Variants in CNTN5 observed in about 807,000 individuals in gnomAD.
CNTN5 encodes the protein contactin-5.
CNTN5 carries 77 observed loss-of-function variants against 129.1 expected under a neutral mutation model. The ratio of observed to expected loss-of-function variants is 0.60; its 90% CI spans 0.50 to 0.72. The LOEUF is 0.72. CNTN5 is among the 30% of genes least tolerant of loss of function. CNTN5 has a pLI of 0.00. For missense variants in CNTN5, 1,478 were observed against 1,328.8 expected, an observed-to-expected ratio of 1.11 and a Z score of -1.75; for synonymous variants, 509 against 465.6, an observed-to-expected ratio of 1.09 and a Z score of -1.20.
At chr11:99,084,047 T>C (rs777725112) in intron 1 of CNTN5, among the ~76,000 whole-genome samples, 1 of 152,206 alleles carries the variant, frequency 6.6e-6, no homozygotes, top group Non-Finnish European at 1.5e-5. Context: ...TCAGTTATTA[T>C]TTGAGTGCTT....
chr11:99,989,518 T>TAC (rs141903653), intron 8 of CNTN5, among the ~76,000 whole-genome samples: 39,034 of 151,720 alleles, frequency 0.26, 5,057 homozygotes, highest in East Asian at 0.35. Context: ...GATAGACACA[T>TAC]ACACACACAC....
intron 1 of CNTN5, among the ~76,000 whole-genome samples, chr11:99,300,180 G>A (rs1001677759): frequency 3.9e-5 from 6 of 152,004 alleles, no homozygotes; most frequent in African/African-American, 7.2e-5. Flanking sequence ...TGAAAATGGC[G>A]TCCTTGCCTT....
chr11:99,684,687 T>A (rs978351935), intron 3 of CNTN5, among the ~76,000 whole-genome samples: 3 of 151,896 alleles, frequency 2.0e-5, no homozygotes, highest in Non-Finnish European at 2.9e-5. Context: ...TTGTTTTTGT[T>A]AGCTTAGTGT....
chr11:99,894,390 A>C (rs1299172034), intron 6 of CNTN5, among the ~76,000 whole-genome samples: 1 of 152,040 alleles, frequency 6.6e-6, no homozygotes. Flanking sequence ...AACCTAAATA[A>C]ACAACTGGAG....
At chr11:100,061,188 CA>C in intron 9 of CNTN5, 23 bp from the exon 10 acceptor site, 1 of 1,577,588 alleles carries the variant, frequency 6.3e-7, no homozygotes, top group Non-Finnish European at 8.7e-7. Context: ...AGTGTATTAA[CA>C]GTATTTTTGT....
chr11:99,940,453 T>A (rs182718572), intron 7 of CNTN5, among the ~76,000 whole-genome samples: 3 of 152,232 alleles, frequency 2.0e-5, no homozygotes, highest in Non-Finnish European at 4.4e-5. Flanking sequence ...TTATTAACAT[T>A]TAAATGGCCA....
At chr11:100,233,446 T>G (rs1949537140) in intron 16 of CNTN5, among the ~76,000 whole-genome samples, 2 of 152,208 alleles carry the variant, frequency 1.3e-5, no homozygotes, top group Admixed American at 6.5e-5. Flanking sequence ...ATATTCTACA[T>G]TAGCTTGTAA....
chr11:100,277,630 C>T (rs951861807), intron 18 of CNTN5, among the ~76,000 whole-genome samples: 1 of 152,022 alleles, frequency 6.6e-6, no homozygotes, highest in Non-Finnish European at 1.5e-5. Flanking sequence ...TGAGAAATGT[C>T]TTTTCAAATC....
chr11:99,610,088 G>A (rs151061984), intron 3 of CNTN5, among the ~76,000 whole-genome samples: 39 of 152,206 alleles, frequency 2.6e-4, no homozygotes, highest in Non-Finnish European at 4.7e-4. Context: ...ACGATATATG[G>A]TAGAGCTTTG....
chr11:99,524,479 A>G lies in CNTN5; in HGVS notation c.-70-31666A>G, dbSNP rs141458638. On this transcript the variant is annotated intron_variant, in intron 2 of 24. Transcript: ENST00000524871. The stretch of plus-strand genomic sequence containing the variant: ...CCAAAGCCTTTAGTGGTATTTGTAC[A>G]GCGAAATCATGAAATAATACGTGTG... 2.1e-4 allele frequency among the ~76,000 whole-genome samples: 32 copies of G among 152,314 alleles called. No individual in the cohort carries two copies. In the East Asian group the frequency reaches 6.2e-3, roughly 29 times the overall value.
chr11:99,551,025 C>A (rs145928591), intron 2 of CNTN5, among the ~76,000 whole-genome samples: 1 of 152,112 alleles, frequency 6.6e-6, no homozygotes, highest in Non-Finnish European at 1.5e-5. Context: ...TATGAAATAA[C>A]TGCATAAAAA....
At chr11:99,712,509 TTTG>T (rs1367366479) in intron 3 of CNTN5, among the ~76,000 whole-genome samples, 1 of 152,148 alleles carries the variant, frequency 6.6e-6, no homozygotes, top group East Asian at 1.9e-4. Context: ...TATTTTGGCT[TTTG>T]TTGTCATTGT....
At chr11:99,394,089 T>G (rs912747653) in intron 2 of CNTN5, among the ~76,000 whole-genome samples, 1 of 151,720 alleles carries the variant, frequency 6.6e-6, no homozygotes, top group Non-Finnish European at 1.5e-5. Flanking sequence ...TGAAGTACCC[T>G]CTTTATTCAC....
chr11:100,245,316 A>G (rs1483176518), intron 16 of CNTN5, among the ~76,000 whole-genome samples: 1 of 152,148 alleles, frequency 6.6e-6, no homozygotes, highest in Non-Finnish European at 1.5e-5. Context: ...CCCAAACTTC[A>G]TACAAACTTG....
chr11:99,494,208 G>C (rs956176542), intron 2 of CNTN5, among the ~76,000 whole-genome samples: 3 of 152,154 alleles, frequency 2.0e-5, no homozygotes, highest in Admixed American at 2.0e-4. Context: ...TCAACTCCAT[G>C]TGGCAAACCA....
intron 3 of CNTN5, among the ~76,000 whole-genome samples, chr11:99,631,251 A>T (rs680914): frequency 5.3e-5 from 8 of 151,862 alleles, no homozygotes; most frequent in African/African-American, 1.7e-4. Context: ...TTGATTTTTA[A>T]TAAGAGATAA....
intron 21 of CNTN5, among the ~76,000 whole-genome samples, chr11:100,320,843 C>T (rs188845645): frequency 6.6e-6 from 1 of 152,144 alleles, no homozygotes; most frequent in East Asian, 1.9e-4. Context: ...TTCTTGGCAC[C>T]TTTGTCAAAA....
At chr11:99,924,961 G>T (rs1197769918) in intron 7 of CNTN5, among the ~76,000 whole-genome samples, 2 of 152,096 alleles carry the variant, frequency 1.3e-5, no homozygotes, top group African/African-American at 4.8e-5. Flanking sequence ...TTTAGGATAG[G>T]AAAAGATTAG....
chr11:99,589,673 A>G (rs1346071515), intron 3 of CNTN5, among the ~76,000 whole-genome samples: 2 of 152,216 alleles, frequency 1.3e-5, no homozygotes, highest in African/African-American at 4.8e-5. Flanking sequence ...GAAAAGATAT[A>G]TGAGTAGAAA....
Sources: allele counts gnomAD v4.1 joint callset (sites outside exome capture counted in the v4.1 genomes callset), GRCh38; gene constraint gnomAD v4.1.1; transcripts MANE v1.5; gene names NCBI Gene and HGNC (gene_info 2026-07-23, HGNC 2026-07-21).